Variants in NUTM1 observed in about 807,000 individuals in gnomAD.
The protein encoded by NUTM1 is NUT midline carcinoma family member 1, also known as NUT family member 1.
In NUTM1, 39 loss-of-function variants were observed where a neutral mutation model predicts 88.7. That is an observed-to-expected ratio of 0.44 (90% CI 0.34 to 0.57). NUTM1 has a LOEUF of 0.57. Ranked by LOEUF, NUTM1 falls within the 20% of genes least tolerant of loss-of-function variation. NUTM1 has a pLI of 0.01. For synonymous variants in NUTM1, 494 were observed against 538.0 expected (o/e 0.92, Z 1.13); for missense variants, 1,350 against 1,414.5 (o/e 0.95, Z 0.73).
Position 34,348,013 on chromosome 15 carries a change from G to T in NUTM1, c.145G>T (p.Ala49Ser). The T allele has an allele frequency of 6.2e-7, 1 of 1,613,322 alleles. No individual in the cohort carries two copies. The highest frequency in any genetic ancestry group is 8.5e-7 in the Non-Finnish European group (1 of 1,179,714). Residue 49 changes from alanine (A) to serine (S), a missense_variant, in exon 3 of 8, where the codon GCC becomes TCC. Ala to Ser is a moderately conservative substitution (Grantham distance 99). Transcript: ENST00000537011. ...GPDMSMKPSA[A>S]PSPSPALPFL... ...GGATATGAGCATGAAACCTAGTGCCGCCCCGTCTCCATCCCCTGCACTTCC... is the reference window on the plus strand; with the variant it reads ...GGATATGAGCATGAAACCTAGTGCCTCCCCGTCTCCATCCCCTGCACTTCC...
chr15:34,357,653 A>T lies in NUTM1; in HGVS notation c.*162A>T. On this transcript the variant is annotated 3_prime_UTR_variant, in exon 8 of 8. Transcript: ENST00000537011. The stretch of plus-strand genomic sequence containing the variant: ...AGTGGCAAGCATGGAGAGAGAGGTC[A>T]GACTGGCTAGGCTGCAGGGGGAATT... The T allele has an allele frequency of 7.6e-7, 1 of 1,313,352 alleles. No individual in the cohort carries two copies. The allele number at this position is 1,313,352 out of a possible 1,614,324, so 81.4% of individuals were successfully genotyped here. A position where few individuals can be genotyped will look rare whatever the true frequency, so the allele number is the denominator to read the frequency against.
intron 4 of NUTM1, 87 bp downstream of exon 4, chr15:34,350,919 T>G (rs1455019207): frequency 6.5e-7 from 1 of 1,527,368 alleles, no homozygotes; most frequent in Middle Eastern, 1.8e-4. Flanking sequence ...TGGGGGTGAT[T>G]ATCAAAAGCC....
Position 34,355,340 on chromosome 15 carries a change from G to A in NUTM1, c.1480-148G>A. 5 of 773,948 alleles carry A rather than the reference G, an allele frequency of 6.5e-6. No individual in the cohort carries two copies. The highest frequency in any genetic ancestry group is 1.1e-5 in the Non-Finnish European group (5 of 474,882). 47.9% of individuals were successfully genotyped at this position (773,948 alleles called of 1,614,324 possible). On this transcript the variant is annotated intron_variant, in intron 7 of 7. Coordinates refer to ENST00000537011, the MANE Select transcript of NUTM1 (RefSeq NM_001284292.2). The surrounding 1 kb of genome is among the most constrained non-coding windows in gnomAD (Gnocchi z 4.3). The stretch of plus-strand genomic sequence containing the variant: ...CATGGGAATAAGGCACAAGAAGGTG[G>A]GAAAGAGCTGCAGTATCTGTCTTTG...
Position 34,348,020 on chromosome 15 carries a change from C to G in NUTM1, c.152C>G (p.Ser51Cys), listed in dbSNP as rs1445518783. The change falls in exon 3 of 8, where the codon TCT (serine) becomes TGT (cysteine). Residue 51 changes from serine to cysteine, a missense_variant. Coordinates refer to ENST00000537011, the MANE Select transcript of NUTM1 (RefSeq NM_001284292.2). ...AGCATGAAACCTAGTGCCGCCCCGT[C>G]TCCATCCCCTGCACTTCCCTTTCTC... ...DMSMKPSAAP[S>C]PSPALPFLPP... is the part of the protein sequence containing the mutation. 6.2e-7 allele frequency: 1 copy of G among 1,613,876 alleles called. No homozygotes were observed. Among genetic ancestry groups the G allele is most frequent in the Non-Finnish European group, 8.5e-7 (1 of 1,179,866 alleles).
chr15:34,354,879 G>A, intron 6 of NUTM1, 142 bp from the exon 7 acceptor site: 1 of 1,017,122 alleles, frequency 9.8e-7, no homozygotes, highest in Non-Finnish European at 1.5e-6. Flanking sequence ...TCATGAGAAT[G>A]TGTGTAGCCG....
At chr15:34,353,212 T>C (rs1890741321) in intron 4 of NUTM1, among the ~76,000 whole-genome samples, 1 of 151,584 alleles carries the variant, frequency 6.6e-6, no homozygotes, top group South Asian at 2.1e-4. Flanking sequence ...AAAATTTTCT[T>C]GAGGCAGGAT....
intron 4 of NUTM1, among the ~76,000 whole-genome samples, chr15:34,353,195 C>T (rs931794995): frequency 2.7e-5 from 4 of 148,074 alleles, no homozygotes; most frequent in Non-Finnish European, 6.0e-5. Flanking sequence ...TCATTCTTTA[C>T]TTTTTAAAAA....
At position 34,348,692 on chromosome 15, in the gene NUTM1, C is replaced by A. The variant is rs751817080; in HGVS notation, c.809+15C>A. ...TGTTTTCTTATGTAAGTGGGGAGAC[C>A]GGAGATTAATTATTCTAGGGCTTTT... On this transcript the variant is annotated intron_variant, in intron 3 of 7. Coordinates refer to ENST00000537011, the MANE Select transcript of NUTM1 (RefSeq NM_001284292.2). The A allele has an allele frequency of 6.5e-7, 1 of 1,539,194 alleles. No individual in the cohort carries two copies. The highest frequency in any genetic ancestry group is 8.9e-7 in the Non-Finnish European group (1 of 1,124,660).
chr15:34,351,431 G>A (rs1475371411), intron 4 of NUTM1, among the ~76,000 whole-genome samples: 1 of 151,518 alleles, frequency 6.6e-6, no homozygotes, highest in Non-Finnish European at 1.5e-5. Context: ...GAGGAGGGGT[G>A]TAGACTAGGA....
In NUTM1 at chr15:34,343,641, G is replaced by T. The variant is rs1237532424; in HGVS notation, c.-56G>T. ...TATGAAACTGGTGAAGCATGTTTCA[G>T]CGGTCGAACCAAGATTTAAAGTTAG... On this transcript the variant is annotated 5_prime_UTR_variant, in exon 1 of 8. Coordinates refer to ENST00000537011, the MANE Select transcript of NUTM1 (RefSeq NM_001284292.2). 2.0e-6 allele frequency: 3 copies of T among 1,535,004 alleles called. No homozygotes were observed. The highest frequency in any genetic ancestry group is 2.7e-5 in the African/African-American group (2 of 73,028).
rs1890520405 is a variant in NUTM1 at position 34,343,335 on chromosome 15, G to A, written c.-362G>A. 1.6e-6 allele frequency: 1 copy of A among 618,614 alleles called. No individual in the cohort carries two copies. The highest frequency in any genetic ancestry group is 2.9e-6 in the Non-Finnish European group (1 of 347,662). The allele number at this position is 618,614 out of a possible 1,614,324, so 38.3% of individuals were successfully genotyped here. On this transcript the variant is annotated 5_prime_UTR_variant, in exon 1 of 8. Transcript: ENST00000537011. The stretch of plus-strand genomic sequence containing the variant: ...TGTCCCTACTGTGTGCTAGGTACAC[G>A]GCGTTAGAGGGGGGTAGGGATGGAT...
chr15:34,350,787 A>T lies in NUTM1; in HGVS notation c.893A>T (p.His298Leu), dbSNP rs1324598795. 1 of 1,613,998 alleles carries T rather than the reference A, an allele frequency of 6.2e-7. No homozygotes were observed. The highest frequency in any genetic ancestry group is 8.5e-7 in the Non-Finnish European group (1 of 1,179,998). Residue 298 changes from histidine to leucine, a missense_variant, in exon 4 of 8, where the codon CAC (histidine) becomes CTC (leucine). His to Leu is a moderately conservative substitution (Grantham distance 99, BLOSUM62 -3). Transcript: ENST00000537011. ...GLPLAVQEWE[H>L]TSNFDRMIFY... is the part of the protein sequence containing the mutation. ...CCATTGGCTGTGCAGGAGTGGGAGC[A>T]CACCAGCAACTTTGACCGGATGATC...
chr15:34,356,843 C>T lies in NUTM1; in HGVS notation c.2835C>T (p.Ser945=), dbSNP rs752375540. Residue 945 remains serine, a synonymous_variant, in exon 8 of 8, where the codon AGC becomes AGT. Coordinates refer to ENST00000537011, the MANE Select transcript of NUTM1 (RefSeq NM_001284292.2). ...KDDCGLQLRV[S]EDTCPLNVHS... The stretch of plus-strand genomic sequence containing the variant: ...ACTGTGGCCTCCAACTAAGGGTCAG[C>T]GAGGACACCTGCCCACTGAATGTTC... The T allele has an allele frequency of 2.1e-5, 34 of 1,612,168 alleles. No homozygotes were observed. The highest frequency in any genetic ancestry group is 2.7e-5 in the Non-Finnish European group (32 of 1,179,678).
intron 2 of NUTM1, among the ~76,000 whole-genome samples, 196 bp downstream of exon 2, chr15:34,346,231 G>T (rs954514171): frequency 2.6e-5 from 4 of 152,150 alleles, no homozygotes; most frequent in Non-Finnish European, 1.5e-5. Context: ...GACAGATTAA[G>T]GTGTCTCTGA....
intron 4 of NUTM1, among the ~76,000 whole-genome samples, chr15:34,351,114 G>C (rs1890699695): frequency 6.6e-6 from 1 of 151,244 alleles, no homozygotes; most frequent in Non-Finnish European, 1.5e-5. Context: ...TGTAGTCCCA[G>C]CTACTCAGGA....
rs961333557 is a variant in NUTM1 at position 34,348,373 on chromosome 15, A to G, written c.505A>G (p.Thr169Ala). ...PPFVTASNVK[T>A]ILPSKAVGVS... ...ATTTGTGACAGCATCTAATGTGAAGACCATTCTGCCCTCTAAGGCTGTTGG... is the reference window on the plus strand; with the variant it reads ...ATTTGTGACAGCATCTAATGTGAAGGCCATTCTGCCCTCTAAGGCTGTTGG... Residue 169 changes from threonine (T) to alanine (A), a missense_variant, in exon 3 of 8, where the codon ACC becomes GCC. By Grantham distance (58) the Thr-to-Ala change is moderately conservative. This residue lies in a region of NUTM1 where 399 missense variants were observed against 397.9 expected (regional missense o/e 1.00). Coordinates refer to ENST00000537011, the MANE Select transcript of NUTM1 (RefSeq NM_001284292.2). 3 of 1,614,200 alleles carry G rather than the reference A, an allele frequency of 1.9e-6. No individual in the cohort carries two copies. The highest frequency in any genetic ancestry group is 2.5e-6 in the Non-Finnish European group (3 of 1,180,034).
chr15:34,353,682 T>C lies in NUTM1; in HGVS notation c.939-54T>C, dbSNP rs1890747786. ...CATGCTTGGCTGTCGTCTGGATTTC[T>C]GATGGGTCTGGTCTCCTTCTCAGCA... On this transcript the variant is annotated intron_variant, in intron 4 of 7. Transcript: ENST00000537011. 1.9e-6 allele frequency: 3 copies of C among 1,599,504 alleles called. No homozygotes were observed. The Admixed American group carries it at 5.1e-5, about 27-fold the overall frequency.
Position 34,355,215 on chromosome 15 carries a change from T to C in NUTM1, c.1479+78T>C. The C allele has an allele frequency of 7.9e-6, 8 of 1,009,410 alleles. No homozygotes were observed. In the South Asian group the frequency reaches 8.0e-5, roughly 10 times the overall value. The allele number at this position is 1,009,410 out of a possible 1,614,324, so 62.5% of individuals were successfully genotyped here. On this transcript the variant is annotated intron_variant, in intron 7 of 7. Coordinates refer to ENST00000537011, the MANE Select transcript of NUTM1 (RefSeq NM_001284292.2). This position sits in a 1 kb window ranked among gnomAD's most constrained non-coding sequence, Gnocchi z 4.3. ...TAACCCTACACTGTCGTGGGTGATA[T>C]GGCTCTAGAGATGAACAGCTTCAGG...
Position 34,345,951 on chromosome 15 carries a change from G to A in NUTM1, c.16G>A (p.Gly6Ser). 1 of 1,614,006 alleles carries A rather than the reference G, an allele frequency of 6.2e-7. No homozygotes were observed. The highest frequency in any genetic ancestry group is 8.5e-7 in the Non-Finnish European group (1 of 1,179,936). The change falls in exon 2 of 8, where the codon GGT becomes AGT. Residue 6 changes from glycine (G) to serine (S), a missense_variant. Gly to Ser is a moderately conservative substitution (Grantham distance 56). This residue lies in a region of NUTM1 where 399 missense variants were observed against 397.9 expected (regional missense o/e 1.00). Coordinates refer to ENST00000537011, the MANE Select transcript of NUTM1 (RefSeq NM_001284292.2). ...CACCTACTGGAGCCAGGTTACTCTG[G>A]GTCCTGGACCTGACTGCCTCATTCT... MVVTL[G>S]PGPDCLILEA... is the part of the protein sequence containing the mutation.
Sources: gnomAD v4.1 joint callset for allele counts (sites outside exome capture counted in the v4.1 genomes callset) on GRCh38, gnomAD v4.1.1 for gene constraint, gnomAD v4.1.1 regional missense constraint, Gnocchi (gnomAD v3.1) non-coding constraint, MANE v1.5 for transcripts, NCBI Gene and HGNC (gene_info 2026-07-23, HGNC 2026-07-21) for gene names.